Variants in TUBB8 observed in about 807,000 individuals in gnomAD.
The protein encoded by TUBB8 is tubulin beta-8 chain.
In TUBB8, 25 loss-of-function variants were observed where a neutral mutation model predicts 33.7. That is an observed-to-expected ratio of 0.74 (90% confidence interval 0.54 to 1.04). TUBB8 has a LOEUF of 1.04. Ranked by LOEUF, TUBB8 falls within the 50% of genes least tolerant of loss-of-function variation. The pLI is 0.00. For missense variants in TUBB8, 279 were observed against 608.0 expected, an observed-to-expected ratio of 0.46 and a Z score of 5.69; for synonymous variants, 245 against 240.1, an observed-to-expected ratio of 1.02 and a Z score of -0.19.
chr10:57,135 C>T (rs1284841384), intron 1 of TUBB8, among the ~76,000 whole-genome samples: 2 of 152,236 alleles, frequency 1.3e-5, no homozygotes, highest in African/African-American at 4.8e-5. Context: ...TGTCCCATTT[C>T]CAGGGCACAC....
intron 1 of TUBB8, among the ~76,000 whole-genome samples, chr10:62,709 G>A (rs1482467835): frequency 1.6e-4 from 24 of 152,272 alleles, no homozygotes; most frequent in African/African-American, 5.3e-4. Flanking sequence ...TTTGTTTGTC[G>A]GAAAAAGTTC....
At chr10:60,522 A>G (rs1470372884) in intron 1 of TUBB8, among the ~76,000 whole-genome samples, 5 of 152,224 alleles carry the variant, frequency 3.3e-5, no homozygotes, top group Admixed American at 2.6e-4. Context: ...CAAAACCACA[A>G]TGAGATACAT....
At chr10:57,318 C>T (rs111984541) in intron 1 of TUBB8, among the ~76,000 whole-genome samples, 1 of 152,212 alleles carries the variant, frequency 6.6e-6, no homozygotes. Flanking sequence ...GACAGTGATC[C>T]TCTCCTCACA....
chr10:65,706 C>T (rs1554741511), intron 1 of TUBB8, among the ~76,000 whole-genome samples: 2 of 152,198 alleles, frequency 1.3e-5, no homozygotes, highest in African/African-American at 4.8e-5. Flanking sequence ...GCATGGGCGA[C>T]AAGAGTGAGA....
chr10:72,991 A>G (rs2130954220), intron 1 of TUBB8, among the ~76,000 whole-genome samples: 1 of 151,614 alleles, frequency 6.6e-6, no homozygotes, highest in South Asian at 2.1e-4. Context: ...AAAAAAAAAG[A>G]TTAGTGACTT....
upstream of TUBB8, among the ~76,000 whole-genome samples, chr10:50,496 G>A (rs1554739416): frequency 6.6e-6 from 1 of 152,076 alleles, no homozygotes; most frequent in Admixed American, 6.5e-5. Flanking sequence ...CTTGGCTGTG[G>A]CATCTACAAG....
Position 69,533 on chromosome 10 carries a change from A to G in TUBB8, c.-846+4436T>C, listed in dbSNP as rs559301014. Among the ~76,000 whole-genome samples the G allele has an allele frequency of 1.2e-4, 18 of 152,360 alleles. No individual in the cohort carries two copies. In the South Asian group the frequency reaches 3.7e-3, roughly 32 times the overall value. ...TGTAGATCAAGGAAATAATAGTTTA[A>G]TGGAACCAAAGTCCATGTATGAGAT... On this transcript the variant is annotated intron_variant, in intron 1 of 3. Coordinates refer to the TUBB8 transcript ENST00000564130.
upstream of TUBB8, among the ~76,000 whole-genome samples, chr10:53,824 A>G (rs2131818118): frequency 6.6e-6 from 1 of 152,418 alleles, no homozygotes; most frequent in East Asian, 1.9e-4. Context: ...TTCCAAAGTT[A>G]ACCTGAAAAG....
chr10:65,935 A>G (rs1386389615), intron 1 of TUBB8, among the ~76,000 whole-genome samples: 1 of 152,260 alleles, frequency 6.6e-6, no homozygotes, highest in African/African-American at 2.4e-5. Context: ...TAGATGCAGG[A>G]AGTACTTTAA....
intron 1 of TUBB8, among the ~76,000 whole-genome samples, chr10:70,014 A>G (rs1554742105): frequency 6.6e-6 from 1 of 152,108 alleles, no homozygotes; most frequent in Non-Finnish European, 1.5e-5. Flanking sequence ...AGCTAAACAA[A>G]ACACCTAAAT....
chr10:50,899 T>G (rs1221519708), upstream of TUBB8, among the ~76,000 whole-genome samples: 2 of 152,170 alleles, frequency 1.3e-5, no homozygotes, highest in Non-Finnish European at 2.9e-5. Flanking sequence ...TAACCACTCT[T>G]CCTTGGGATG....
chr10:60,839 A>G (rs1414039349), intron 1 of TUBB8, among the ~76,000 whole-genome samples: 6 of 152,070 alleles, frequency 3.9e-5, no homozygotes, highest in Admixed American at 2.6e-4. Context: ...ATGTCCAACA[A>G]TGATAGACTG....
intron 1 of TUBB8, among the ~76,000 whole-genome samples, chr10:62,566 A>C (rs1391468398): frequency 6.6e-6 from 1 of 152,142 alleles, no homozygotes; most frequent in Non-Finnish European, 1.5e-5. Flanking sequence ...GTGTTTTTCC[A>C]TGTGCTATTA....
At chr10:48,438 C>T in intron 3 of TUBB8, 177 bp downstream of exon 3, 1 of 688,546 alleles carries the variant, frequency 1.5e-6, no homozygotes, top group Non-Finnish European at 2.6e-6. Context: ...GAGGAGACAC[C>T]AGGGCCTTCC....
At chr10:74,131 C>G (rs1405013961) in exon 1 of TUBB8, 2 of 151,254 alleles carry the variant, frequency 1.3e-5, no homozygotes, top group African/African-American at 4.8e-5. Flanking sequence ...CCCGTCCTCA[C>G]AGTGGACCCC....
upstream of TUBB8, among the ~76,000 whole-genome samples, chr10:76,009 G>A (rs1164609693): frequency 2.0e-5 from 3 of 151,890 alleles, no homozygotes; most frequent in Non-Finnish European, 2.9e-5. Context: ...CGTGATGGCG[G>A]GTCCCTGTAA....
At chr10:69,552 A>G (rs1554742042) in intron 1 of TUBB8, among the ~76,000 whole-genome samples, 3 of 152,222 alleles carry the variant, frequency 2.0e-5, no homozygotes, top group African/African-American at 4.8e-5. Flanking sequence ...AAGTCCATGT[A>G]TGAGATAATT....
At chr10:73,777 A>AC (rs1834768983) in intron 1 of TUBB8, among the ~76,000 whole-genome samples, 1 of 151,610 alleles carries the variant, frequency 6.6e-6, no homozygotes, top group Non-Finnish European at 1.5e-5. Context: ...CTCTCCCGGT[A>AC]CCAGGGTCTC....
intron 1 of TUBB8, among the ~76,000 whole-genome samples, chr10:68,934 A>C (rs1456380950): frequency 6.6e-6 from 1 of 152,034 alleles, no homozygotes; most frequent in African/African-American, 2.4e-5. Flanking sequence ...TTGGCAGATA[A>C]CTCCCAGCTG....
Sources: allele counts gnomAD v4.1 joint callset (sites outside exome capture counted in the v4.1 genomes callset), GRCh38; gene constraint gnomAD v4.1.1; transcripts MANE v1.5; gene names NCBI Gene and HGNC (gene_info 2026-07-23, HGNC 2026-07-21).